The following FOXP1 variants were observed in gnomAD, a reference collection of about 807,000 sequenced individuals.
The protein encoded by FOXP1 is forkhead box protein P1.
In FOXP1, 15 loss-of-function variants were observed where a neutral mutation model predicts 98.2. That is an observed-to-expected ratio of 0.15 (90% CI 0.10 to 0.24). The LOEUF (loss-of-function observed/expected upper bound fraction) is 0.24. FOXP1 is among the 10% of genes least tolerant of loss of function. The pLI is 1.00. For missense variants in FOXP1, 633 were observed against 848.5 expected (o/e 0.75, Z 3.15); for synonymous variants, 371 against 314.5 (o/e 1.18, Z -1.90).
At chr3:71,461,539 G>A (rs567167325) in intron 3 of FOXP1, among the ~76,000 whole-genome samples, 1 of 152,012 alleles carries the variant, frequency 6.6e-6, no homozygotes, top group Non-Finnish European at 1.5e-5. Flanking sequence ...GTGGTGGCTC[G>A]TGCCTGTAAT....
chr3:71,475,949 T>G (rs979196547), intron 3 of FOXP1, among the ~76,000 whole-genome samples: 7 of 150,824 alleles, frequency 4.6e-5, no homozygotes, highest in Admixed American at 4.6e-4. Flanking sequence ...CAGAATAAAT[T>G]ATTCTATGAT....
chr3:71,087,249 C>T (rs2055219623), intron 7 of FOXP1, among the ~76,000 whole-genome samples: 1 of 152,160 alleles, frequency 6.6e-6, no homozygotes, highest in Non-Finnish European at 1.5e-5. Context: ...CAGGTTAGCT[C>T]AGTTCTTTGT....
rs576607995 is a variant in FOXP1 at position 70,987,569 on chromosome 3, C to A, written c.1146+425G>T. On this transcript the variant is annotated intron_variant, in intron 14 of 20. Transcript: ENST00000649528. ...AGTTAGACTGGACTACTACTCCCTG[C>A]TCTTTTTCCTACACACCACTGTCTC... 2.0e-5 allele frequency among the ~76,000 whole-genome samples: 3 copies of A among 152,334 alleles called. No homozygotes were observed. The South Asian group carries it at 6.2e-4, about 32-fold the overall frequency.
intron 5 of FOXP1, among the ~76,000 whole-genome samples, chr3:71,283,934 C>A (rs1358982545): frequency 6.6e-5 from 10 of 152,170 alleles, no homozygotes; most frequent in African/African-American, 1.7e-4. Flanking sequence ...TTTCTCATCA[C>A]CCTGGCTTTC....
chr3:71,455,002 G>T (rs886614422), intron 3 of FOXP1, among the ~76,000 whole-genome samples: 3 of 152,098 alleles, frequency 2.0e-5, no homozygotes, highest in African/African-American at 4.8e-5. Flanking sequence ...TGAATAATCT[G>T]CAAAAACTTC....
intron 2 of FOXP1, among the ~76,000 whole-genome samples, chr3:71,533,801 C>A (rs1213701815): frequency 6.6e-6 from 1 of 152,126 alleles, no homozygotes; most frequent in Non-Finnish European, 1.5e-5. Flanking sequence ...ATGATGCAAT[C>A]CTCCAGAGAG....
In FOXP1 at chr3:71,228,330, C is replaced by CTT. The variant is rs1401529632; in HGVS notation, c.-11-29940_-11-29939dup. Among the ~76,000 whole-genome samples the CTT allele has an allele frequency of 3.0e-4, 43 of 144,608 alleles. No individual in the cohort carries two copies. In the East Asian group the frequency reaches 8.4e-3, roughly 28 times the overall value. The allele number at this position is 144,608 out of a possible 152,430, so 94.9% of individuals were successfully genotyped here. A position where few individuals can be genotyped will look rare whatever the true frequency, so the allele number is the denominator to read the frequency against. ...ACATGACAAGCCATAAATCAACCTG[C>CTT]TTTTTTTTTTTTCCTGTGGAGTTTT... On this transcript the variant is annotated intron_variant, in intron 5 of 20. Coordinates refer to ENST00000649528, the MANE Select transcript of FOXP1 (RefSeq NM_001349338.3).
intron 3 of FOXP1, among the ~76,000 whole-genome samples, chr3:71,391,672 T>C (rs922809765): frequency 4.6e-5 from 7 of 152,244 alleles, no homozygotes; most frequent in East Asian, 3.8e-4. Context: ...AATGAACGGA[T>C]TGCCCACTAA....
At chr3:71,536,405 G>A (rs1344604512) in intron 2 of FOXP1, among the ~76,000 whole-genome samples, 2 of 152,046 alleles carry the variant, frequency 1.3e-5, no homozygotes, top group Admixed American at 6.5e-5. Context: ...AGTCACCCTA[G>A]TCAGCAACTG....
intron 5 of FOXP1, among the ~76,000 whole-genome samples, chr3:71,268,640 G>C (rs1044844075): frequency 2.0e-5 from 3 of 152,176 alleles, no homozygotes; most frequent in Non-Finnish European, 4.4e-5. Flanking sequence ...AAGGGGAAAT[G>C]AGAGATGTAA....
At chr3:71,391,193 C>T (rs2081004514) in intron 3 of FOXP1, among the ~76,000 whole-genome samples, 1 of 152,146 alleles carries the variant, frequency 6.6e-6, no homozygotes, top group Admixed American at 6.5e-5. Flanking sequence ...TGGACTTTGT[C>T]AGGTTTCAAT....
At chr3:71,035,937 C>T (rs2047519723) in intron 11 of FOXP1, among the ~76,000 whole-genome samples, 1 of 151,250 alleles carries the variant, frequency 6.6e-6, no homozygotes, top group Non-Finnish European at 1.5e-5. Flanking sequence ...GCAAGTAAAC[C>T]AAGAGCACTG....
chr3:71,512,550 A>G (rs1263929522), intron 2 of FOXP1, among the ~76,000 whole-genome samples: 1 of 152,218 alleles, frequency 6.6e-6, no homozygotes, highest in African/African-American at 2.4e-5. Flanking sequence ...CATATTTAAG[A>G]CAGAAAAGCA....
intron 3 of FOXP1, among the ~76,000 whole-genome samples, chr3:71,462,167 G>A (rs534157966): frequency 6.6e-6 from 1 of 152,258 alleles, no homozygotes. Context: ...CTTCACTAAT[G>A]CACTACTGGA....
At chr3:71,503,775 T>C (rs1412381885) in intron 2 of FOXP1, among the ~76,000 whole-genome samples, 2 of 152,106 alleles carry the variant, frequency 1.3e-5, no homozygotes, top group African/African-American at 4.8e-5. Flanking sequence ...GGCCAGATCA[T>C]GTACAGAACA....
chr3:71,436,537 T>C (rs2085375650), intron 3 of FOXP1, among the ~76,000 whole-genome samples: 1 of 152,040 alleles, frequency 6.6e-6, no homozygotes, highest in Non-Finnish European at 1.5e-5. Context: ...GAAATCCTAG[T>C]TTTAGAGTCA....
chr3:70,976,938 T>C lies in FOXP1; in HGVS notation c.1530+3A>G. On this transcript the variant is annotated splice_donor_region_variant and intron_variant, in intron 17 of 20. Coordinates refer to ENST00000649528, the MANE Select transcript of FOXP1 (RefSeq NM_001349338.3). Reference sequence around the variant, plus strand: ...AAGAATAAACAGGCCTGAGAAAGCTTACCTTCCACGTGGCCGCGTTGCGTC... The same window carrying C: ...AAGAATAAACAGGCCTGAGAAAGCTCACCTTCCACGTGGCCGCGTTGCGTC... 6.2e-7 allele frequency: 1 copy of C among 1,609,888 alleles called. No individual in the cohort carries two copies.
At chr3:71,545,345 C>T (rs1340779236) in intron 2 of FOXP1, among the ~76,000 whole-genome samples, 1 of 152,162 alleles carries the variant, frequency 6.6e-6, no homozygotes, top group Non-Finnish European at 1.5e-5. Flanking sequence ...TTTCCCAAAT[C>T]TGAGAGAAAT....
intron 2 of FOXP1, among the ~76,000 whole-genome samples, chr3:71,535,374 G>A (rs2044204596): frequency 6.6e-6 from 1 of 152,164 alleles, no homozygotes; most frequent in Non-Finnish European, 1.5e-5. Flanking sequence ...GGGCGAGTCT[G>A]CTGAGAGCCA....
Sources: allele counts gnomAD v4.1 joint callset (sites outside exome capture counted in the v4.1 genomes callset), GRCh38; gene constraint gnomAD v4.1.1; transcripts MANE v1.5; gene names NCBI Gene and HGNC (gene_info 2026-07-23, HGNC 2026-07-21).